MYH15: variants seen among roughly 807,000 people sequenced by gnomAD.
MYH15 encodes myosin-15.
MYH15 carries 227 observed loss-of-function variants against 240.5 expected under a neutral mutation model. The ratio of observed to expected loss-of-function variants is 0.94; its 90% CI spans 0.85 to 1.05. The LOEUF is 1.05. Ranked by LOEUF, MYH15 falls within the 50% of genes least tolerant of loss-of-function variation. The pLI is 0.00. For synonymous variants in MYH15, 785 were observed against 796.7 expected (o/e 0.99, Z 0.25); for missense variants, 2,217 against 2,247.5 (o/e 0.99, Z 0.27).
chr3:108,464,759 T>C lies in MYH15; in HGVS notation c.1610A>G (p.Asp537Gly). The C allele has an allele frequency of 6.2e-7, 1 of 1,613,846 alleles. No individual in the cohort carries two copies. Among genetic ancestry groups the C allele is most frequent in the Non-Finnish European group, 8.5e-7 (1 of 1,179,836 alleles). The change falls in exon 15 of 41, where the codon GAC becomes GGC. Residue 537 changes from aspartate to glycine, a missense_variant. Asp to Gly is a moderately conservative substitution (Grantham distance 94). Coordinates refer to ENST00000693548, the MANE Select transcript of MYH15 (RefSeq NM_014981.3). ...EEECMFPKAT[D>G]LTFKTKLFDN... ...AAAGAGTTTGGTCTTGAAAGTCAGG[T>C]CTGTAGCCTTAGGAAACATACACTC...
chr3:108,406,823 G>T (rs1161028938), intron 32 of MYH15, among the ~76,000 whole-genome samples: 1 of 152,128 alleles, frequency 6.6e-6, no homozygotes. Flanking sequence ...TCTCACCCTT[G>T]ACCCACGTGA....
intron 18 of MYH15, among the ~76,000 whole-genome samples, chr3:108,457,309 GAATAA>G (rs2083031036): frequency 6.6e-6 from 1 of 152,118 alleles, no homozygotes; most frequent in Non-Finnish European, 1.5e-5. Flanking sequence ...GAACAAGGAA[GAATAA>G]AAGGAAAGGG....
intron 18 of MYH15, 51 bp downstream of exon 18, chr3:108,459,311 T>C: frequency 8.8e-7 from 1 of 1,138,698 alleles, no homozygotes; most frequent in Non-Finnish European, 1.3e-6. Context: ...TCAATATAGC[T>C]AATATCAAAT....
chr3:108,526,504 TGGTG>T (rs1464414674), intron 1 of MYH15, among the ~76,000 whole-genome samples: 2 of 152,176 alleles, frequency 1.3e-5, no homozygotes, highest in Non-Finnish European at 2.9e-5. Context: ...GAATGAGCAC[TGGTG>T]AATAAGGAAG....
chr3:108,533,371 G>C (rs193084965), upstream of MYH15, among the ~76,000 whole-genome samples: 3 of 151,588 alleles, frequency 2.0e-5, no homozygotes, highest in African/African-American at 7.3e-5. Flanking sequence ...TAGGATCCTG[G>C]GCAGTTTACT....
chr3:108,416,741 T>C, intron 29 of MYH15, 71 bp downstream of exon 29: 1 of 1,210,556 alleles, frequency 8.3e-7, no homozygotes, highest in East Asian at 2.5e-5. Flanking sequence ...TCAGGCTGAT[T>C]CATCAAGCAC....
Position 108,428,722 on chromosome 3 carries a change from T to C in MYH15, c.3472A>G (p.Lys1158Glu), listed in dbSNP as rs2082749621. The C allele has an allele frequency of 6.2e-7, 1 of 1,613,882 alleles. No homozygotes were observed. Among genetic ancestry groups the C allele is most frequent in the African/African-American group, 1.3e-5 (1 of 74,852 alleles). ...SSLAQLEITK[K>E]QETKFQKLHR... ...AGCTTCTGGAATTTGGTTTCCTGTT[T>C]CTTAGTTATTTCCAGCTGAGCCAAA... The change falls in exon 27 of 41, where the codon AAA becomes GAA. Residue 1158 changes from lysine to glutamate, a missense_variant. Lys to Glu is a moderately conservative substitution (Grantham distance 56, BLOSUM62 1). Coordinates refer to ENST00000693548, the MANE Select transcript of MYH15 (RefSeq NM_014981.3).
Position 108,470,108 on chromosome 3 carries a change from T to C in MYH15, c.1488A>G (p.Glu496=), listed in dbSNP as rs764610060. 6.8e-6 allele frequency: 11 copies of C among 1,612,104 alleles called. No individual in the cohort carries two copies. Among genetic ancestry groups the C allele is most frequent in the Non-Finnish European group, 9.3e-6 (11 of 1,179,300 alleles). ...AGCCAATAGACACCCATTCAATGCT[T>C]TCTTTCTTATATTCCTCTTGCTCCA... ...FVLEQEEYKK[E]SIEWVSIGFG... The change falls in exon 14 of 41, where the codon GAA becomes GAG. Residue 496 remains glutamate, a synonymous_variant. Coordinates refer to ENST00000693548, the MANE Select transcript of MYH15 (RefSeq NM_014981.3).
At chr3:108,476,705 C>G (rs942710102) in intron 11 of MYH15, among the ~76,000 whole-genome samples, 190 bp from the exon 12 acceptor site, 1 of 152,130 alleles carries the variant, frequency 6.6e-6, no homozygotes, top group Non-Finnish European at 1.5e-5. Flanking sequence ...CTTCGAAATA[C>G]AAGTCAAAGC....
chr3:108,530,179 C>A (rs1164670787), upstream of MYH15, among the ~76,000 whole-genome samples: 1 of 152,176 alleles, frequency 6.6e-6, no homozygotes, highest in Non-Finnish European at 1.5e-5. Flanking sequence ...CTTGTCCTTT[C>A]TAGCAAAACT....
At chr3:108,476,585 AAACT>A (rs1461156632) in intron 11 of MYH15, 70 bp from the exon 12 acceptor site, 3 of 975,836 alleles carry the variant, frequency 3.1e-6, no homozygotes, top group African/African-American at 3.2e-5. Context: ...CATTATAGCC[AAACT>A]AACTACCCAG....
At chr3:108,468,527 G>A (rs1382358159) in intron 14 of MYH15, among the ~76,000 whole-genome samples, 1 of 152,152 alleles carries the variant, frequency 6.6e-6, no homozygotes. Context: ...TTTCAAGGAA[G>A]GCTTTGGTAT....
chr3:108,460,913 CTA>C (rs1258294037), intron 16 of MYH15, among the ~76,000 whole-genome samples: 6 of 151,966 alleles, frequency 3.9e-5, no homozygotes, highest in African/African-American at 1.5e-4. Context: ...GTTTGTTAAT[CTA>C]TATGAGATTA....
intron 21 of MYH15, among the ~76,000 whole-genome samples, chr3:108,450,535 C>G (rs1188864278): frequency 2.0e-5 from 3 of 152,116 alleles, no homozygotes; most frequent in African/African-American, 7.2e-5. Context: ...TGGTTACCAG[C>G]AGCCAGGGCA....
chr3:108,534,406 A>G, the MYH15 span, among the ~76,000 whole-genome samples: 3 of 152,344 alleles, frequency 2.0e-5, no homozygotes, highest in East Asian at 5.8e-4. Flanking sequence ...AGCTAAATTA[A>G]AACTATTTGG....
Position 108,467,178 on chromosome 3 carries a change from G to A in MYH15, c.1555-2364C>T, listed in dbSNP as rs542029689. On this transcript the variant is annotated intron_variant, in intron 14 of 40. Coordinates refer to ENST00000693548, the MANE Select transcript of MYH15 (RefSeq NM_014981.3). The stretch of plus-strand genomic sequence containing the variant: ...TGAGACATACAGGTCTGAGTTCTGG[G>A]AACTTGACTGCTTTGCTGTGATCAA... Among the ~76,000 whole-genome samples the A allele has an allele frequency of 1.1e-4, 16 of 151,630 alleles. 1 individual carries two copies. Among genetic ancestry groups the A allele is most frequent in the Admixed American group, 7.2e-4 (11 of 15,186 alleles).
intron 27 of MYH15, 101 bp from the exon 28 acceptor site, chr3:108,421,315 T>C (rs780737486): frequency 4.3e-5 from 58 of 1,356,594 alleles, no homozygotes; most frequent in Non-Finnish European, 5.4e-5. Context: ...ATCCGCATGC[T>C]CTCTTCTGTA....
chr3:108,480,696 A>G (rs1479379348), intron 11 of MYH15, among the ~76,000 whole-genome samples: 1 of 152,194 alleles, frequency 6.6e-6, no homozygotes, highest in Non-Finnish European at 1.5e-5. Context: ...GAGAAGTAGA[A>G]AGAAGAACAA....
At chr3:108,500,758 G>GA (rs1160698965) in intron 3 of MYH15, among the ~76,000 whole-genome samples, 5 of 152,220 alleles carry the variant, frequency 3.3e-5, no homozygotes, top group African/African-American at 1.2e-4. Context: ...ATCTTATTTG[G>GA]AAAAAATAGT....
Sources: allele counts gnomAD v4.1 joint callset (sites outside exome capture counted in the v4.1 genomes callset), GRCh38; gene constraint gnomAD v4.1.1; transcripts MANE v1.5; gene names NCBI Gene and HGNC (gene_info 2026-07-23, HGNC 2026-07-21).